CNTNAP2: variants seen among roughly 807,000 people sequenced by gnomAD.
The protein encoded by CNTNAP2 is contactin-associated protein-like 2.
CNTNAP2 carries 98 observed loss-of-function variants against 155.2 expected under a neutral mutation model. The ratio of observed to expected loss-of-function variants is 0.63; its 90% CI spans 0.54 to 0.75. The LOEUF (loss-of-function observed/expected upper bound fraction) is 0.75. Among genes scored for constraint, CNTNAP2 ranks in the 30% least tolerant of loss-of-function variants. The pLI, the probability that CNTNAP2 is intolerant of heterozygous loss-of-function variation, is 0.00. For missense variants in CNTNAP2, 1,727 were observed against 1,688.1 expected (o/e 1.02, Z -0.40); for synonymous variants, 651 against 631.2 (o/e 1.03, Z -0.47).
intron 9 of CNTNAP2, among the ~76,000 whole-genome samples, chr7:147,376,338 T>C (rs1324279315): frequency 6.6e-6 from 1 of 151,876 alleles, no homozygotes; most frequent in African/African-American, 2.4e-5. Context: ...ACTTATGCCC[T>C]GGGTGCTACT....
chr7:146,445,182 A>G (rs1024012002), intron 1 of CNTNAP2, among the ~76,000 whole-genome samples: 3 of 152,226 alleles, frequency 2.0e-5, no homozygotes, highest in African/African-American at 7.2e-5. Flanking sequence ...CCATGTGGCC[A>G]AAGTATAATG....
intron 1 of CNTNAP2, among the ~76,000 whole-genome samples, chr7:146,464,426 A>G (rs1433425535): frequency 4.6e-5 from 7 of 152,266 alleles, no homozygotes; most frequent in African/African-American, 1.7e-4. Context: ...TATTTCAGAG[A>G]ATAGAAGAAA....
intron 8 of CNTNAP2, among the ~76,000 whole-genome samples, chr7:147,280,534 C>T (rs1439406862): frequency 2.0e-5 from 3 of 151,480 alleles, no homozygotes; most frequent in African/African-American, 7.3e-5. Flanking sequence ...TTTGTAGTGC[C>T]CTTTGGGAAA....
At chr7:147,980,200 A>G (rs764321942) in intron 15 of CNTNAP2, among the ~76,000 whole-genome samples, 31 of 152,204 alleles carry the variant, frequency 2.0e-4, no homozygotes, top group Admixed American at 3.3e-4. Context: ...GCTTTGTAAT[A>G]TAAAATTATT....
At chr7:146,618,025 A>T (rs1010672726) in intron 1 of CNTNAP2, among the ~76,000 whole-genome samples, 11 of 151,998 alleles carry the variant, frequency 7.2e-5, no homozygotes, top group African/African-American at 2.2e-4. Context: ...TAATTTTTTA[A>T]AAAAAGTAAA....
At chr7:146,318,096 G>A (rs376946444) in intron 1 of CNTNAP2, among the ~76,000 whole-genome samples, 2 of 149,472 alleles carry the variant, frequency 1.3e-5, no homozygotes, top group Admixed American at 6.7e-5. Flanking sequence ...AGCCAAGATC[G>A]CACCACTGCA....
intron 13 of CNTNAP2, among the ~76,000 whole-genome samples, chr7:147,760,710 C>T (rs1307342573): frequency 6.6e-6 from 1 of 152,090 alleles, no homozygotes; most frequent in African/African-American, 2.4e-5. Context: ...AACCAGCTGA[C>T]TTAGGTAGTT....
At chr7:148,079,534 G>A (rs897838198) in intron 15 of CNTNAP2, among the ~76,000 whole-genome samples, 1 of 152,108 alleles carries the variant, frequency 6.6e-6, no homozygotes, top group African/African-American at 2.4e-5. Context: ...GACTTAAAAA[G>A]GTGCCAGACT....
Position 147,123,811 on chromosome 7 carries a change from C to T in CNTNAP2, c.939+2648C>T, listed in dbSNP as rs185471693. Among the ~76,000 whole-genome samples, 5 of 152,242 alleles carry T rather than the reference C, an allele frequency of 3.3e-5. No homozygotes were observed. The East Asian group carries it at 7.8e-4, about 24-fold the overall frequency. ...ATCCTAGCACTTTGGGAGGCCAAGGCGGGTGGTTCACCTGTGCTCAGGAGT... is the reference window on the plus strand; with the variant it reads ...ATCCTAGCACTTTGGGAGGCCAAGGTGGGTGGTTCACCTGTGCTCAGGAGT... On this transcript the variant is annotated intron_variant, in intron 6 of 23. Transcript: ENST00000361727.
intron 1 of CNTNAP2, among the ~76,000 whole-genome samples, chr7:146,552,331 C>T (rs1175053760): frequency 6.6e-6 from 1 of 152,124 alleles, no homozygotes; most frequent in African/African-American, 2.4e-5. Context: ...AATACAATTT[C>T]ATTCTTTTCG....
At chr7:146,743,085 G>T (rs1407441323) in intron 1 of CNTNAP2, among the ~76,000 whole-genome samples, 1 of 151,882 alleles carries the variant, frequency 6.6e-6, no homozygotes, top group Non-Finnish European at 1.5e-5. Context: ...GGTATTTCAT[G>T]CTATTTCTTT....
intron 1 of CNTNAP2, among the ~76,000 whole-genome samples, chr7:146,670,952 C>G (rs1425504373): frequency 6.6e-6 from 1 of 152,122 alleles, no homozygotes; most frequent in Non-Finnish European, 1.5e-5. Flanking sequence ...TTTAATTATA[C>G]AGTTTCCACC....
chr7:147,433,233 T>A (rs113877623), intron 10 of CNTNAP2, among the ~76,000 whole-genome samples: 3,233 of 152,316 alleles, frequency 0.021, 113 homozygotes, highest in African/African-American at 0.073. Flanking sequence ...TTTTCAGAGT[T>A]GTTAAGTTCC....
At chr7:147,530,583 A>G (rs1183258007) in intron 11 of CNTNAP2, among the ~76,000 whole-genome samples, 1 of 152,124 alleles carries the variant, frequency 6.6e-6, no homozygotes, top group Non-Finnish European at 1.5e-5. Context: ...GACTACCACA[A>G]AAATAGCACA....
At chr7:146,152,737 C>G (rs1244067616) in intron 1 of CNTNAP2, among the ~76,000 whole-genome samples, 1 of 152,004 alleles carries the variant, frequency 6.6e-6, no homozygotes, top group African/African-American at 2.4e-5. Flanking sequence ...AACAGAAAAT[C>G]TCTGCTAGAT....
At chr7:147,981,471 G>T (rs1801528407) in intron 15 of CNTNAP2, among the ~76,000 whole-genome samples, 1 of 152,180 alleles carries the variant, frequency 6.6e-6, no homozygotes, top group East Asian at 1.9e-4. Flanking sequence ...CAAACCTACA[G>T]CTTATAAAGA....
At chr7:148,061,501 A>G (rs1356248650) in intron 15 of CNTNAP2, among the ~76,000 whole-genome samples, 2 of 151,996 alleles carry the variant, frequency 1.3e-5, no homozygotes, top group Non-Finnish European at 2.9e-5. Context: ...CTACAGGTGC[A>G]CGCCATCACG....
At chr7:147,577,316 A>G (rs111394930) in intron 12 of CNTNAP2, among the ~76,000 whole-genome samples, 1 of 152,196 alleles carries the variant, frequency 6.6e-6, no homozygotes, top group African/African-American at 2.4e-5. Context: ...TTATTACCAT[A>G]GTCTTCCCTC....
intron 8 of CNTNAP2, among the ~76,000 whole-genome samples, chr7:147,175,034 T>G (rs1802309958): frequency 6.6e-6 from 1 of 152,132 alleles, no homozygotes; most frequent in Admixed American, 6.5e-5. Flanking sequence ...TAAATTTCAC[T>G]ATATAGAGAA....
Sources: gnomAD v4.1 joint callset for allele counts (sites outside exome capture counted in the v4.1 genomes callset) on GRCh38, gnomAD v4.1.1 for gene constraint, MANE v1.5 for transcripts, NCBI Gene and HGNC (gene_info 2026-07-23, HGNC 2026-07-21) for gene names.